Variants in GRHL2 observed in about 807,000 individuals in gnomAD.
The protein encoded by GRHL2 is grainyhead like transcription factor 2.
In GRHL2, 21 loss-of-function variants were observed where a neutral mutation model predicts 83.8. The observed-to-expected ratio is 0.25, with a 90% CI of 0.18 to 0.36. The LOEUF (loss-of-function observed/expected upper bound fraction) is 0.36, where lower values mean the gene tolerates loss of function less well. Among genes scored for constraint, GRHL2 ranks in the 10% least tolerant of loss-of-function variants. The pLI is 1.00. For missense variants in GRHL2, 623 were observed against 781.8 expected (o/e 0.80, Z 2.42); for synonymous variants, 280 against 278.9 (o/e 1.00, Z -0.04).
intron 12 of GRHL2, among the ~76,000 whole-genome samples, chr8:101,638,522 C>G (rs10101105): frequency 0.12 from 17,550 of 152,164 alleles, 2,174 homozygotes; most frequent in African/African-American, 0.32. Flanking sequence ...GCAGAGTTGA[C>G]TAGTTACAAC....
At chr8:101,509,174 T>C (rs5893564) in intron 1 of GRHL2, among the ~76,000 whole-genome samples, 21 of 23,202 alleles carry the variant, frequency 9.1e-4, no homozygotes, top group African/African-American at 1.4e-3. Context: ...TTCTTTCTTT[T>C]TCTTTCTTTC....
rs180814743 is a variant in GRHL2, at chr8:101,520,338, C to T, written c.21-22903C>T. 4.3e-3 allele frequency among the ~76,000 whole-genome samples: 650 copies of T among 152,138 alleles called. 3 individuals are homozygous for T. Among genetic ancestry groups the T allele is most frequent in the Middle Eastern group, 0.027 (8 of 294 alleles). On this transcript the variant is annotated intron_variant, in intron 1 of 15. Transcript: ENST00000646743. ...TTGCACAAAGATGTAAAATTTAAGA[C>T]AGTTATCTGAATAAAGAAAATGGCA...
At chr8:101,528,385 G>A (rs1286740287) in intron 1 of GRHL2, among the ~76,000 whole-genome samples, 1 of 149,806 alleles carries the variant, frequency 6.7e-6, no homozygotes, top group African/African-American at 2.4e-5. Context: ...CTGTGCTTGT[G>A]TTGTAGGTGC....
intron 3 of GRHL2, among the ~76,000 whole-genome samples, chr8:101,557,247 CAG>C (rs977815315): frequency 1.6e-5 from 2 of 121,284 alleles, no homozygotes; most frequent in African/African-American, 6.3e-5. Flanking sequence ...TTTTTTGAGA[CAG>C]AGTCTCGCTC....
At chr8:101,658,114 G>A (rs1018793334) in intron 14 of GRHL2, among the ~76,000 whole-genome samples, 5 of 152,204 alleles carry the variant, frequency 3.3e-5, no homozygotes, top group African/African-American at 1.2e-4. Context: ...CATGCAGGCA[G>A]GGAACACTGT....
chr8:101,517,372 C>T (rs1220249896), intron 1 of GRHL2, among the ~76,000 whole-genome samples: 1 of 152,182 alleles, frequency 6.6e-6, no homozygotes, highest in East Asian at 1.9e-4. Context: ...TCCTTCCACT[C>T]AGCCTAACCC....
chr8:101,615,255 G>A (rs1347872827), intron 8 of GRHL2, among the ~76,000 whole-genome samples: 1 of 152,186 alleles, frequency 6.6e-6, no homozygotes, highest in African/African-American at 2.4e-5. Flanking sequence ...GATCTGGTGG[G>A]TCTGTCCCAC....
intron 8 of GRHL2, among the ~76,000 whole-genome samples, chr8:101,606,151 T>C (rs1812628921): frequency 6.6e-6 from 1 of 152,160 alleles, no homozygotes; most frequent in African/African-American, 2.4e-5. Flanking sequence ...ACTTAAGAAA[T>C]TCAACAAACA....
intron 14 of GRHL2, 80 bp from the exon 15 acceptor site, chr8:101,664,374 A>T (rs1210195195): frequency 4.1e-6 from 4 of 966,650 alleles, no homozygotes; most frequent in Non-Finnish European, 6.7e-6. Context: ...TGTCCAAGGG[A>T]GTGAAACTGG....
chr8:101,516,069 C>A (rs2130026790), intron 1 of GRHL2, among the ~76,000 whole-genome samples: 1 of 152,180 alleles, frequency 6.6e-6, no homozygotes, highest in Non-Finnish European at 1.5e-5. Context: ...AATGTAACCT[C>A]ATGCTTCACT....
At chr8:101,500,445 T>G (rs765215296) in intron 1 of GRHL2, among the ~76,000 whole-genome samples, 2 of 152,216 alleles carry the variant, frequency 1.3e-5, no homozygotes, top group Non-Finnish European at 2.9e-5. Context: ...GAGCACATTT[T>G]ATGTTGTAAG....
intron 1 of GRHL2, among the ~76,000 whole-genome samples, chr8:101,537,238 C>A (rs986772285): frequency 6.6e-6 from 1 of 152,034 alleles, no homozygotes. Flanking sequence ...AGAAATGGTT[C>A]TCAGGTACTA....
rs959993175 is a variant in GRHL2 at position 101,610,560 on chromosome 8, A to G, written c.1099-8979A>G. Among the ~76,000 whole-genome samples the G allele has an allele frequency of 3.7e-4, 56 of 150,934 alleles. 3 individuals are homozygous for G. Among genetic ancestry groups the G allele is most frequent in the African/African-American group, 1.4e-3 (56 of 40,378 alleles). On this transcript the variant is annotated intron_variant, in intron 8 of 15. Coordinates refer to ENST00000646743, the MANE Select transcript of GRHL2 (RefSeq NM_024915.4). ...GTCTGAAAGGAGAGAGATAATGTTGACGATAGTAAAATTCTTTCGATTTTC... is the reference window on the plus strand; with the variant it reads ...GTCTGAAAGGAGAGAGATAATGTTGGCGATAGTAAAATTCTTTCGATTTTC...
chr8:101,544,211 A>G (rs1159745108), intron 2 of GRHL2: 3 of 152,174 alleles, frequency 2.0e-5, no homozygotes, highest in Admixed American at 1.3e-4. Context: ...AGATTTTTCT[A>G]TTTATTAGAA....
chr8:101,648,161 T>C (rs1389109041), intron 13 of GRHL2, among the ~76,000 whole-genome samples: 1 of 152,142 alleles, frequency 6.6e-6, no homozygotes, highest in African/African-American at 2.4e-5. Context: ...AAGTTTATTC[T>C]GGGAGCTGAG....
intron 9 of GRHL2, among the ~76,000 whole-genome samples, chr8:101,624,960 A>G (rs1442607156): frequency 1.3e-5 from 2 of 152,148 alleles, no homozygotes; most frequent in African/African-American, 2.4e-5. Flanking sequence ...CAAAACCTCA[A>G]CAAAGAGCCA....
At chr8:101,521,603 C>T (rs146050661) in intron 1 of GRHL2, among the ~76,000 whole-genome samples, 1 of 152,160 alleles carries the variant, frequency 6.6e-6, no homozygotes, top group Non-Finnish European at 1.5e-5. Flanking sequence ...GTACTCAAAG[C>T]AGTACCAGCT....
intron 7 of GRHL2, among the ~76,000 whole-genome samples, chr8:101,585,772 T>G (rs1034974668): frequency 2.6e-5 from 4 of 152,374 alleles, no homozygotes; most frequent in African/African-American, 7.2e-5. Context: ...GCAAGTGTTC[T>G]CTAAAGTTTA....
chr8:101,525,829 G>A (rs1357450107), intron 1 of GRHL2, among the ~76,000 whole-genome samples: 3 of 152,172 alleles, frequency 2.0e-5, no homozygotes, highest in African/African-American at 2.4e-5. Context: ...AATTAGCTGG[G>A]TGTGGTGGCA....
Sources: gnomAD v4.1 joint callset for allele counts (sites outside exome capture counted in the v4.1 genomes callset) on GRCh38, gnomAD v4.1.1 for gene constraint, MANE v1.5 for transcripts, NCBI Gene and HGNC (gene_info 2026-07-23, HGNC 2026-07-21) for gene names.